TMEM135: variants seen among roughly 807,000 people sequenced by gnomAD.
TMEM135 encodes the protein peroxisomal membrane protein 52.
TMEM135 carries 30 observed loss-of-function variants against 60.3 expected under a neutral mutation model. That is an observed-to-expected ratio of 0.50 (90% CI 0.37 to 0.68). The LOEUF (loss-of-function observed/expected upper bound fraction) is 0.68, where lower values mean the gene tolerates loss of function less well. TMEM135 is among the 30% of genes least tolerant of loss of function. The probability of loss-of-function intolerance (pLI) is 0.00; values close to 1 mark genes in which losing one functional copy is unlikely to be tolerated. For missense variants in TMEM135, 468 were observed against 548.8 expected, an observed-to-expected ratio of 0.85 and a Z score of 1.47; for synonymous variants, 190 against 186.7, an observed-to-expected ratio of 1.02 and a Z score of -0.14.
At chr11:87,282,167 C>G (rs1041292424) in intron 6 of TMEM135, among the ~76,000 whole-genome samples, 1 of 152,046 alleles carries the variant, frequency 6.6e-6, no homozygotes, top group Non-Finnish European at 1.5e-5. Flanking sequence ...ATAAGAGAAG[C>G]CAGCATGAAG....
At chr11:87,122,309 GTT>G (rs11367827) in intron 4 of TMEM135, among the ~76,000 whole-genome samples, 337 of 110,352 alleles carry the variant, frequency 3.1e-3, no homozygotes, top group African/African-American at 6.1e-3. Context: ...GTTTTGCTAG[GTT>G]TTTTTTTTTT....
chr11:87,265,406 C>A (rs1490587809), intron 6 of TMEM135, among the ~76,000 whole-genome samples: 1 of 151,958 alleles, frequency 6.6e-6, no homozygotes, highest in East Asian at 1.9e-4. Flanking sequence ...GAGAACAATT[C>A]TTTGGATTGT....
At chr11:87,061,414 A>G (rs935911153) in intron 1 of TMEM135, among the ~76,000 whole-genome samples, 5 of 152,250 alleles carry the variant, frequency 3.3e-5, no homozygotes, top group Admixed American at 3.3e-4. Context: ...CAAAATGTCA[A>G]TAGTGCCAAG....
rs1343395142 is a variant in TMEM135, at chr11:87,324,675, C to T, written c.*3342C>T. Reference sequence around the variant, plus strand: ...TAAACTCCTGGCCTCAAGTGATCCTCTTGGGTTGGCCTCCCGGGACTCTGG... The same window carrying T: ...TAAACTCCTGGCCTCAAGTGATCCTTTTGGGTTGGCCTCCCGGGACTCTGG... On this transcript the variant is annotated 3_prime_UTR_variant, in exon 15 of 15. Coordinates refer to ENST00000305494, the MANE Select transcript of TMEM135 (RefSeq NM_022918.4). The T allele has an allele frequency of 2.2e-6, 1 of 453,576 alleles. No homozygotes were observed. Among genetic ancestry groups the T allele is most frequent in the Non-Finnish European group, 4.4e-6 (1 of 226,696 alleles). 28.1% of individuals were successfully genotyped at this position (453,576 alleles called of 1,614,324 possible). A position where few individuals can be genotyped will look rare whatever the true frequency, so the allele number is the denominator to read the frequency against.
At chr11:87,148,256 A>G (rs1938467340) in intron 4 of TMEM135, among the ~76,000 whole-genome samples, 1 of 152,254 alleles carries the variant, frequency 6.6e-6, no homozygotes, top group Non-Finnish European at 1.5e-5. Flanking sequence ...CCTTGTTAGT[A>G]GTTCTTTAGG....
intron 5 of TMEM135, among the ~76,000 whole-genome samples, chr11:87,172,033 A>C (rs1000141407): frequency 6.6e-6 from 1 of 152,094 alleles, no homozygotes; most frequent in Non-Finnish European, 1.5e-5. Flanking sequence ...TACATCTCCC[A>C]GGGGTTGGGA....
intron 4 of TMEM135, among the ~76,000 whole-genome samples, chr11:87,105,723 A>G (rs2135190598): frequency 6.6e-6 from 1 of 152,322 alleles, no homozygotes; most frequent in Admixed American, 6.5e-5. Context: ...TTGAACATTT[A>G]TCATTTCTTT....
At chr11:87,125,969 C>T (rs1937713811) in intron 4 of TMEM135, among the ~76,000 whole-genome samples, 2 of 152,164 alleles carry the variant, frequency 1.3e-5, no homozygotes, top group Admixed American at 1.3e-4. Flanking sequence ...TACTCATTAC[C>T]TGGAACATAT....
intron 5 of TMEM135, among the ~76,000 whole-genome samples, chr11:87,166,408 G>A (rs926832224): frequency 6.6e-6 from 1 of 151,606 alleles, no homozygotes; most frequent in African/African-American, 2.4e-5. Flanking sequence ...GTATTGCTTA[G>A]GTTTTCTTCT....
At chr11:87,207,106 A>G (rs1007020640) in intron 5 of TMEM135, among the ~76,000 whole-genome samples, 5 of 152,214 alleles carry the variant, frequency 3.3e-5, no homozygotes, top group African/African-American at 1.2e-4. Context: ...GATGATTAGT[A>G]CAGAACAGAA....
chr11:87,324,573 C>A lies in TMEM135; in HGVS notation c.*3240C>A. On this transcript the variant is annotated 3_prime_UTR_variant, in exon 15 of 15. Transcript: ENST00000305494. Reference sequence around the variant, plus strand: ...TAGCTGGGACAACAGGCATGTGCCACCATGCCTGGCTAATATTTATTTTAT... The same window carrying A: ...TAGCTGGGACAACAGGCATGTGCCAACATGCCTGGCTAATATTTATTTTAT... 1 of 449,204 alleles carries A rather than the reference C, an allele frequency of 2.2e-6. No homozygotes were observed. The highest frequency in any genetic ancestry group is 4.4e-6 in the Non-Finnish European group (1 of 225,788). 27.8% of individuals were successfully genotyped at this position (449,204 alleles called of 1,614,324 possible).
intron 6 of TMEM135, among the ~76,000 whole-genome samples, 162 bp from the exon 7 acceptor site, chr11:87,295,620 G>T (rs1220240489): frequency 6.6e-6 from 1 of 152,076 alleles, no homozygotes; most frequent in Non-Finnish European, 1.5e-5. Context: ...TTTTGTGTAA[G>T]GTGACTTACT....
chr11:87,145,412 A>C (rs1236629144), intron 4 of TMEM135, among the ~76,000 whole-genome samples: 1 of 152,160 alleles, frequency 6.6e-6, no homozygotes, highest in Non-Finnish European at 1.5e-5. Flanking sequence ...CATCTCTTCA[A>C]CAAACTGATT....
At chr11:87,252,897 G>A (rs966828885) in intron 6 of TMEM135, among the ~76,000 whole-genome samples, 1 of 151,260 alleles carries the variant, frequency 6.6e-6, no homozygotes, top group South Asian at 2.1e-4. Context: ...GATGAAATGA[G>A]GCACTTCTAT....
chr11:87,073,699 G>A (rs1045349067), intron 3 of TMEM135, among the ~76,000 whole-genome samples: 84 of 151,226 alleles, frequency 5.6e-4, no homozygotes, highest in African/African-American at 2.0e-3. Flanking sequence ...ACGGAGTCTC[G>A]CTCTGTTGCC....
At chr11:87,123,648 A>G (rs1937642217) in intron 4 of TMEM135, among the ~76,000 whole-genome samples, 1 of 152,198 alleles carries the variant, frequency 6.6e-6, no homozygotes, top group Admixed American at 6.5e-5. Context: ...TTTGTGGGCC[A>G]TACAAAACAG....
intron 3 of TMEM135, among the ~76,000 whole-genome samples, chr11:87,087,904 T>C (rs1297081269): frequency 3.3e-5 from 5 of 151,970 alleles, no homozygotes; most frequent in Non-Finnish European, 7.4e-5. Flanking sequence ...GCCCAGCTAA[T>C]TTTTTGTATT....
At chr11:87,055,415 A>C (rs1001814753) in intron 1 of TMEM135, among the ~76,000 whole-genome samples, 15 of 152,224 alleles carry the variant, frequency 9.9e-5, no homozygotes, top group Non-Finnish European at 1.3e-4. Context: ...CGATTAACAG[A>C]TGCTCTGAAA....
intron 6 of TMEM135, among the ~76,000 whole-genome samples, chr11:87,257,283 G>A (rs116485419): frequency 1.3e-5 from 2 of 152,252 alleles, no homozygotes; most frequent in African/African-American, 4.8e-5. Flanking sequence ...CTTGTGAGGT[G>A]CTATAACTCA....
Sources: gnomAD v4.1 joint callset for allele counts (sites outside exome capture counted in the v4.1 genomes callset) on GRCh38, gnomAD v4.1.1 for gene constraint, MANE v1.5 for transcripts, NCBI Gene and HGNC (gene_info 2026-07-23, HGNC 2026-07-21) for gene names.